The following NAA30 variants were observed in gnomAD, a reference collection of about 807,000 sequenced individuals.
NAA30 encodes N-alpha-acetyltransferase 30, NatC catalytic subunit, also known as N-alpha-acetyltransferase 30.
In NAA30, 5 loss-of-function variants were observed where a neutral mutation model predicts 31.4. The ratio of observed to expected loss-of-function variants is 0.16; its 90% CI spans 0.08 to 0.33. The LOEUF is 0.33. Among genes scored for constraint, NAA30 ranks in the 10% least tolerant of loss-of-function variants. The pLI is 1.00. For missense variants in NAA30, 428 were observed against 490.8 expected, an observed-to-expected ratio of 0.87 and a Z score of 1.21; for synonymous variants, 222 against 207.1, an observed-to-expected ratio of 1.07 and a Z score of -0.62.
chr14:57,392,404 A>G (rs949178871), intron 2 of NAA30, among the ~76,000 whole-genome samples: 1 of 150,388 alleles, frequency 6.6e-6, no homozygotes, highest in Non-Finnish European at 1.5e-5. Context: ...ATTGTTACCG[A>G]TCTGATTTTT....
chr14:57,399,997 G>T, intron 4 of NAA30, 114 bp downstream of exon 4: 1 of 512,488 alleles, frequency 2.0e-6, no homozygotes, highest in Non-Finnish European at 3.4e-6. Flanking sequence ...CTATACAAAT[G>T]CAGCTTGTGG....
intron 3 of NAA30, among the ~76,000 whole-genome samples, chr14:57,398,721 C>T (rs561959090): frequency 6.6e-6 from 1 of 152,170 alleles, no homozygotes; most frequent in Non-Finnish European, 1.5e-5. Flanking sequence ...CAACCTCCGC[C>T]TCCTGTGTTC....
At chr14:57,402,102 C>A (rs77223283) in intron 4 of NAA30, among the ~76,000 whole-genome samples, 2 of 152,150 alleles carry the variant, frequency 1.3e-5, no homozygotes, top group African/African-American at 4.8e-5. Flanking sequence ...TTATTCAGAT[C>A]GAATAATTTG....
chr14:57,401,728 A>G (rs1278542711), intron 4 of NAA30, among the ~76,000 whole-genome samples: 4 of 152,172 alleles, frequency 2.6e-5, no homozygotes, highest in Non-Finnish European at 5.9e-5. Flanking sequence ...CTAAGTTACT[A>G]CTTGTGAGGC....
Position 57,390,657 on chromosome 14 carries a change from G to A in NAA30, c.-50G>A. 5.3e-6 allele frequency: 2 copies of A among 374,846 alleles called. No homozygotes were observed. The highest frequency in any genetic ancestry group is 4.0e-5 in the East Asian group (1 of 25,078). The allele number at this position is 374,846 out of a possible 1,614,324, so 23.2% of individuals were successfully genotyped here. ...CGCGGCTGCGAAGGAGGCGGCGGCG[G>A]TGGCGGAGGAAGAGGAGTGGCGGCA... On this transcript the variant is annotated 5_prime_UTR_variant, in exon 1 of 5. In the 5' UTR this introduces an upstream ATG that the reference lacks. Coordinates refer to ENST00000556492, the MANE Select transcript of NAA30 (RefSeq NM_001011713.3).
Position 57,391,315 on chromosome 14 carries a change from G to A in NAA30, c.358G>A (p.Gly120Arg). ...EVAATTATPD[G>R]GPRATATKGA... ...GGCCGCGACCACAGCCACCCCTGACGGAGGCCCCAGAGCGACTGCAACAAA... is the reference window on the plus strand; with the variant it reads ...GGCCGCGACCACAGCCACCCCTGACAGAGGCCCCAGAGCGACTGCAACAAA... Residue 120 changes from glycine (G) to arginine (R), a missense_variant, in exon 2 of 5, where the codon GGA becomes AGA. Physicochemically the swap from Gly to Arg is moderately radical, Grantham distance 125. Around this residue, in one of 2 missense-constraint regions of NAA30, gnomAD observed 349 missense variants for 310.4 expected, o/e 1.12. Transcript: ENST00000556492. This position sits in a 1 kb window ranked among gnomAD's most constrained non-coding sequence, Gnocchi z 4.1. 10 of 1,611,202 alleles carry A rather than the reference G, an allele frequency of 6.2e-6. No individual in the cohort carries two copies. Among genetic ancestry groups the A allele is most frequent in the Non-Finnish European group, 7.6e-6 (9 of 1,179,198 alleles).
Position 57,391,049 on chromosome 14 carries a change from C to T in NAA30, c.92C>T (p.Ala31Val), listed in dbSNP as rs746433298. The change falls in exon 2 of 5, where the codon GCG becomes GTG. Residue 31 changes from alanine (A) to valine (V), a missense_variant. Ala to Val is a moderately conservative substitution (Grantham distance 64). Around this residue, in one of 2 missense-constraint regions of NAA30, gnomAD observed 349 missense variants for 310.4 expected, o/e 1.12. Transcript: ENST00000556492. This position sits in a 1 kb window ranked among gnomAD's most constrained non-coding sequence, Gnocchi z 4.1. ...GTCGAGCCCCGCTGTCCCTTCCCGG[C>T]GGGGGCCGCCCTCGCCTGCTGCAGC... Reference protein sequence around the residue: ...AAVEPRCPFPAGAALACCSED... With the variant: ...AAVEPRCPFPVGAALACCSED... 3.3e-6 allele frequency: 5 copies of T among 1,511,554 alleles called. No homozygotes were observed. The highest frequency in any genetic ancestry group is 1.3e-5 in the South Asian group (1 of 74,632). The allele number at this position is 1,511,554 out of a possible 1,614,324, so 93.6% of individuals were successfully genotyped here.
At position 57,399,903 on chromosome 14, in the gene NAA30, T is replaced by G; in HGVS notation, c.951+20T>G. On this transcript the variant is annotated intron_variant, in intron 4 of 4. Coordinates refer to ENST00000556492, the MANE Select transcript of NAA30 (RefSeq NM_001011713.3). ...GATGAGGTAAGTCTTTAAAAATGTT[T>G]AATATTTTTTATCTGGGCATTATTC... 1 of 1,224,880 alleles carries G rather than the reference T, an allele frequency of 8.2e-7. No homozygotes were observed. Among genetic ancestry groups the G allele is most frequent in the Non-Finnish European group, 1.2e-6 (1 of 844,676 alleles). 75.9% of individuals were successfully genotyped at this position (1,224,880 alleles called of 1,614,324 possible). A position where few individuals can be genotyped will look rare whatever the true frequency, so the allele number is the denominator to read the frequency against.
intron 3 of NAA30, among the ~76,000 whole-genome samples, chr14:57,397,293 A>G (rs1227035940): frequency 1.3e-5 from 2 of 152,204 alleles, no homozygotes; most frequent in African/African-American, 4.8e-5. Context: ...AATTGTTACC[A>G]TTACTTGGTG....
intron 3 of NAA30, among the ~76,000 whole-genome samples, chr14:57,399,583 T>C (rs2066465405): frequency 6.6e-6 from 1 of 152,342 alleles, no homozygotes; most frequent in African/African-American, 2.4e-5. Context: ...CAAATAATTA[T>C]GTCTGAGAAA....
intron 1 of NAA30, 98 bp downstream of exon 1, chr14:57,390,803 C>A: frequency 3.5e-6 from 2 of 579,060 alleles, no homozygotes; most frequent in African/African-American, 3.9e-5. Flanking sequence ...CGCTGAAGAG[C>A]GGGGGGGTGG....
chr14:57,414,876 A>T lies in NAA30; in HGVS notation c.*5360A>T, dbSNP rs1056897575. 2 of 152,210 alleles carry T rather than the reference A, an allele frequency of 1.3e-5. No individual in the cohort carries two copies. Among genetic ancestry groups the T allele is most frequent in the African/African-American group, 2.4e-5 (1 of 41,450 alleles). The allele number at this position is 152,210 out of a possible 1,614,324, so 9.4% of individuals were successfully genotyped here. A position where few individuals can be genotyped will look rare whatever the true frequency, so the allele number is the denominator to read the frequency against. On this transcript the variant is annotated 3_prime_UTR_variant, in exon 5 of 5. Transcript: ENST00000556492. ...GGGGATTAAGTCAGTGTTTAATCTC[A>T]ATATGAAACAGACCTAGAAATAACA...
Position 57,409,895 on chromosome 14 carries a change from T to C in NAA30, c.*379T>C, listed in dbSNP as rs1171364484. 2 of 160,480 alleles carry C rather than the reference T, an allele frequency of 1.2e-5. No individual in the cohort carries two copies. The highest frequency in any genetic ancestry group is 2.7e-5 in the Non-Finnish European group (2 of 73,436). The allele number at this position is 160,480 out of a possible 1,614,324, so 9.9% of individuals were successfully genotyped here. On this transcript the variant is annotated 3_prime_UTR_variant, in exon 5 of 5. Coordinates refer to ENST00000556492, the MANE Select transcript of NAA30 (RefSeq NM_001011713.3). ...TGTGGATTGTAAAAGTCTTTAAGTA[T>C]ACTAACATTTCACACAAAACCTGCC... is the stretch of plus-strand genomic sequence containing the variant.
rs1271985209 is a variant in NAA30, at chr14:57,414,410, T to TA, written c.*4894_*4895insA. On this transcript the variant is annotated 3_prime_UTR_variant, in exon 5 of 5. Transcript: ENST00000556492. ...CCTTTCAGATTTTATTGTTGGAAGT[T>TA]CCTTGGGTTGCAGAGATGCAGATTC... is the stretch of plus-strand genomic sequence containing the variant. 6.6e-6 allele frequency: 1 copy of TA among 152,232 alleles called. No homozygotes were observed. The highest frequency in any genetic ancestry group is 1.5e-5 in the Non-Finnish European group (1 of 68,056). The allele number at this position is 152,232 out of a possible 1,614,324, so 9.4% of individuals were successfully genotyped here.
At chr14:57,403,527 A>G (rs2066485956) in intron 4 of NAA30, among the ~76,000 whole-genome samples, 2 of 152,342 alleles carry the variant, frequency 1.3e-5, no homozygotes, top group South Asian at 2.1e-4. Flanking sequence ...AATTAGACAT[A>G]TGTTAAAACA....
At chr14:57,397,467 GT>G (rs1566549115) in intron 3 of NAA30, among the ~76,000 whole-genome samples, 2 of 152,128 alleles carry the variant, frequency 1.3e-5, no homozygotes, top group South Asian at 4.1e-4. Context: ...CATGTGGGTG[GT>G]TTAAAAACAT....
intron 4 of NAA30, among the ~76,000 whole-genome samples, chr14:57,409,172 GA>G (rs1293071499): frequency 6.6e-6 from 1 of 152,142 alleles, no homozygotes; most frequent in East Asian, 1.9e-4. Context: ...TAGAACAGAA[GA>G]TAAATCTGCA....
chr14:57,400,513 A>T (rs1277862895), intron 4 of NAA30, among the ~76,000 whole-genome samples: 4 of 152,256 alleles, frequency 2.6e-5, no homozygotes, highest in African/African-American at 7.2e-5. Flanking sequence ...GAACAAGTAT[A>T]AACTAGAGAA....
At chr14:57,395,354 A>T (rs528313059) in intron 2 of NAA30, among the ~76,000 whole-genome samples, 1 of 152,202 alleles carries the variant, frequency 6.6e-6, no homozygotes, top group Non-Finnish European at 1.5e-5. Flanking sequence ...ATGACAGACT[A>T]AAAAAGTCAC....
Sources: allele counts gnomAD v4.1 joint callset (sites outside exome capture counted in the v4.1 genomes callset), GRCh38; gene constraint gnomAD v4.1.1; regional missense constraint gnomAD v4.1.1; non-coding constraint Gnocchi (gnomAD v3.1); transcripts MANE v1.5; gene names NCBI Gene and HGNC (gene_info 2026-07-23, HGNC 2026-07-21).